The following ANK3 variants were observed in gnomAD, a reference collection of about 807,000 sequenced individuals.
The protein encoded by ANK3 is ankyrin 3.
ANK3 carries 57 observed loss-of-function variants against 370.9 expected under a neutral mutation model. The ratio of observed to expected loss-of-function variants is 0.15; its 90% CI spans 0.12 to 0.19. ANK3 has a LOEUF of 0.19. ANK3 is among the 10% of genes least tolerant of loss of function. ANK3 has a pLI of 1.00. For synonymous variants in ANK3, 1,929 were observed against 1,946.3 expected (o/e 0.99, Z 0.23); for missense variants, 4,439 against 5,302.1 (o/e 0.84, Z 5.06).
At chr10:60,394,272 A>T (rs2063169889), upstream of ANK3, among the ~76,000 whole-genome samples, 1 of 151,576 alleles carries the variant, frequency 6.6e-6, no homozygotes, top group Non-Finnish European at 1.5e-5. Context: ...TAAAAAACAC[A>T]CCTGGAAAAT....
At chr10:60,435,104 T>C (rs1378535195) in intron 2 of ANK3, among the ~76,000 whole-genome samples, 1 of 152,208 alleles carries the variant, frequency 6.6e-6, no homozygotes, top group African/African-American at 2.4e-5. Flanking sequence ...ACAGTGATCA[T>C]TGGAATAAAA....
At chr10:60,554,887 G>A (rs888444726) in intron 2 of ANK3, among the ~76,000 whole-genome samples, 9 of 152,094 alleles carry the variant, frequency 5.9e-5, no homozygotes, top group Non-Finnish European at 8.8e-5. Flanking sequence ...ACTGTGTCAC[G>A]TAAGACCCTA....
In ANK3 at chr10:60,515,309, C is replaced by T. The variant is rs573997251; in HGVS notation, c.96+99877G>A. Among the ~76,000 whole-genome samples, 30 of 152,194 alleles carry T rather than the reference C, an allele frequency of 2.0e-4. No individual in the cohort carries two copies. In the South Asian group the frequency reaches 5.0e-3, roughly 25 times the overall value. On this transcript the variant is annotated intron_variant, in intron 2 of 43. Coordinates refer to the ANK3 transcript ENST00000373827. ...AGGAAGCATTGACCATAAGCACTCC[C>T]CAGTGGTTCTAGCCCCTGCACATTC...
At chr10:60,360,541 T>C (rs187839043) in intron 1 of ANK3, among the ~76,000 whole-genome samples, 1 of 152,238 alleles carries the variant, frequency 6.6e-6, no homozygotes, top group East Asian at 1.9e-4. Flanking sequence ...AGACCCTGTC[T>C]CTACAAAAGA....
At chr10:60,356,443 G>A (rs2057757911) in intron 1 of ANK3, among the ~76,000 whole-genome samples, 2 of 152,174 alleles carry the variant, frequency 1.3e-5, no homozygotes, top group Non-Finnish European at 2.9e-5. Flanking sequence ...GCATCTACTG[G>A]CTTGAGGAGA....
intron 24 of ANK3, chr10:60,138,502 TAATA>T (rs2094443985): frequency 2.5e-6 from 1 of 401,634 alleles, no homozygotes; most frequent in Non-Finnish European, 4.4e-6. Context: ...TGGACAACTT[TAATA>T]AACAACATAA....
Position 60,072,794 on chromosome 10 carries a change from G to A in ANK3, c.8087C>T (p.Ser2696Leu), listed in dbSNP as rs776042210. ...KSTVEAKGSI[S>L]QSKAPDGPQS... Reference sequence around the variant, plus strand: ...GGGCCCATCTGGTGCTTTGCTCTGTGAAATACTTCCTTTGGCTTCCACTGT... The same window carrying A: ...GGGCCCATCTGGTGCTTTGCTCTGTAAAATACTTCCTTTGGCTTCCACTGT... The change falls in exon 37 of 44, where the codon TCA becomes TTA. Residue 2696 changes from serine (S) to leucine (L), a missense_variant. By Grantham distance (145) the Ser-to-Leu change is moderately radical. This residue lies in a region of ANK3 where 1,601 missense variants were observed against 1,731.7 expected (regional missense o/e 0.92). Coordinates refer to ENST00000280772, the MANE Select transcript of ANK3 (RefSeq NM_020987.5). 10 of 1,613,996 alleles carry A rather than the reference G, an allele frequency of 6.2e-6. No individual in the cohort carries two copies. The highest frequency in any genetic ancestry group is 1.7e-5 in the Admixed American group (1 of 59,982).
chr10:60,424,541 T>C (rs1027568127), intron 2 of ANK3, among the ~76,000 whole-genome samples: 1 of 152,058 alleles, frequency 6.6e-6, no homozygotes, highest in Non-Finnish European at 1.5e-5. Flanking sequence ...TATATTAATA[T>C]GCTTGGGTTC....
At chr10:60,597,328 G>A (rs112867622) in intron 2 of ANK3, among the ~76,000 whole-genome samples, 3 of 152,268 alleles carry the variant, frequency 2.0e-5, no homozygotes, top group African/African-American at 7.2e-5. Context: ...ACAGACTGCC[G>A]AGATATCATA....
chr10:60,205,956 A>G, intron 10 of ANK3, 66 bp from the exon 11 acceptor site: 3 of 1,046,448 alleles, frequency 2.9e-6, no homozygotes, highest in Non-Finnish European at 4.5e-6. Flanking sequence ...CACTGTGTGC[A>G]GTAAATAGTT....
In ANK3 at chr10:60,442,407, T is replaced by G. The variant is rs112901616; in HGVS notation, c.97-162768A>C. On this transcript the variant is annotated intron_variant, in intron 2 of 43. Transcript: ENST00000373827. Reference sequence around the variant, plus strand: ...CACCACGCTGGACAATCCTCCCATATGCTTTAAATCATCTCAAGATTATTT... The same window carrying G: ...CACCACGCTGGACAATCCTCCCATAGGCTTTAAATCATCTCAAGATTATTT... Among the ~76,000 whole-genome samples the G allele has an allele frequency of 3.0e-3, 461 of 152,304 alleles. 4 individuals carry two copies. Among genetic ancestry groups the G allele is most frequent in the African/African-American group, 0.011 (442 of 41,568 alleles).
At chr10:60,476,102 T>A (rs1193940132) in intron 2 of ANK3, among the ~76,000 whole-genome samples, 3 of 152,174 alleles carry the variant, frequency 2.0e-5, no homozygotes, top group African/African-American at 7.2e-5. Context: ...CTAAGAGAAA[T>A]GAAGTCATAC....
intron 1 of ANK3, among the ~76,000 whole-genome samples, chr10:60,321,598 T>C (rs1593700033): frequency 6.6e-6 from 1 of 152,310 alleles, no homozygotes; most frequent in East Asian, 1.9e-4. Context: ...CTCATTTAAT[T>C]GTCACAGTGT....
upstream of ANK3, among the ~76,000 whole-genome samples, chr10:60,390,941 C>A (rs769011764): frequency 6.6e-6 from 1 of 152,188 alleles, no homozygotes; most frequent in Non-Finnish European, 1.5e-5. Flanking sequence ...AAGTCCAATG[C>A]ATCATGTGAG....
chr10:60,276,817 A>C (rs1187818666), intron 4 of ANK3, among the ~76,000 whole-genome samples: 1 of 152,212 alleles, frequency 6.6e-6, no homozygotes, highest in Non-Finnish European at 1.5e-5. Flanking sequence ...AAATGGATTA[A>C]AGAGTTTTCC....
Position 60,075,531 on chromosome 10 carries a change from C to T in ANK3, c.5350G>A (p.Ala1784Thr). ...PFSPLRSYVS[A>T]APSAFQSLRT... The stretch of plus-strand genomic sequence containing the variant: ...AGAGACTGAAAAGCTGATGGTGCTG[C>T]AGAAACATATGACCTGAGTGGGGAA... Residue 1784 changes from alanine to threonine, a missense_variant, in exon 37 of 44, where the codon GCA (alanine) becomes ACA (threonine). Around this residue, in one of 13 missense-constraint regions of ANK3, gnomAD observed 679 missense variants for 791.0 expected, o/e 0.86. Transcript: ENST00000280772. 3 of 1,613,840 alleles carry T rather than the reference C, an allele frequency of 1.9e-6. No individual in the cohort carries two copies. The highest frequency in any genetic ancestry group is 2.5e-6 in the Non-Finnish European group (3 of 1,179,986).
chr10:60,066,518 C>T (rs1589478138), intron 38 of ANK3, among the ~76,000 whole-genome samples: 1 of 144,888 alleles, frequency 6.9e-6, no homozygotes, highest in East Asian at 2.1e-4. Context: ...GAACTCCACT[C>T]AGCTCCCAAC....
chr10:60,569,801 AATG>A (rs752331091), intron 2 of ANK3, among the ~76,000 whole-genome samples: 2 of 152,162 alleles, frequency 1.3e-5, no homozygotes, highest in Non-Finnish European at 2.9e-5. Context: ...TTTTATGGAA[AATG>A]ATGTCACACT....
intron 2 of ANK3, among the ~76,000 whole-genome samples, chr10:60,614,144 A>C (rs2078237688): frequency 6.6e-6 from 1 of 152,158 alleles, no homozygotes; most frequent in Non-Finnish European, 1.5e-5. Flanking sequence ...TAACTAAAAG[A>C]CCATAGATAG....
Sources: allele counts gnomAD v4.1 joint callset (sites outside exome capture counted in the v4.1 genomes callset), GRCh38; gene constraint gnomAD v4.1.1; regional missense constraint gnomAD v4.1.1; transcripts MANE v1.5; gene names NCBI Gene and HGNC (gene_info 2026-07-23, HGNC 2026-07-21).